The following SRPK2 variants were observed in gnomAD, a reference collection of about 807,000 sequenced individuals.
SRPK2 encodes SFRS protein kinase 2.
A neutral mutation model predicts 90.8 loss-of-function variants in SRPK2; 21 were observed. The ratio of observed to expected loss-of-function variants is 0.23; its 90% confidence interval spans 0.16 to 0.33. SRPK2 has a LOEUF of 0.33. SRPK2 is among the 10% of genes least tolerant of loss of function. The pLI is 1.00. For missense variants in SRPK2, 620 were observed against 869.0 expected, an observed-to-expected ratio of 0.71 and a Z score of 3.60; for synonymous variants, 288 against 311.1, an observed-to-expected ratio of 0.93 and a Z score of 0.78.
chr7:105,181,494 A>C (rs1792801479), intron 3 of SRPK2, among the ~76,000 whole-genome samples: 1 of 152,232 alleles, frequency 6.6e-6, no homozygotes, highest in Admixed American at 6.5e-5. Flanking sequence ...CTGGATAAAG[A>C]AACCGTGGTA....
At chr7:105,235,595 A>C (rs1301036030) in intron 2 of SRPK2, among the ~76,000 whole-genome samples, 3 of 152,238 alleles carry the variant, frequency 2.0e-5, no homozygotes, top group Non-Finnish European at 4.4e-5. Flanking sequence ...GGTTTTATAC[A>C]CAAACAAATA....
At chr7:105,191,192 T>C (rs1794231666) in intron 3 of SRPK2, among the ~76,000 whole-genome samples, 1 of 152,146 alleles carries the variant, frequency 6.6e-6, no homozygotes, top group Non-Finnish European at 1.5e-5. Context: ...GGCTCAGAGC[T>C]TTTTCATAGC....
chr7:105,141,995 AAG>A lies in SRPK2; in HGVS notation c.1543+11_1543+12del, dbSNP rs753390298. The A allele has an allele frequency of 4.4e-6, 7 of 1,595,770 alleles. No individual in the cohort carries two copies. The highest frequency in any genetic ancestry group is 5.1e-6 in the Non-Finnish European group (6 of 1,170,606). On this transcript the variant is annotated intron_variant, in intron 11 of 15. Transcript: ENST00000393651. ...TCAGCGATGGCAGACAGTTGATGGG[AAG>A]AAACACTTACCTTTTGGCAAATCCC... is the stretch of plus-strand genomic sequence containing the variant.
chr7:105,273,829 C>G (rs1365705550), intron 2 of SRPK2, among the ~76,000 whole-genome samples: 5 of 152,190 alleles, frequency 3.3e-5, no homozygotes, highest in Non-Finnish European at 7.3e-5. Context: ...GTCTTCTCAG[C>G]CTGTTACAGT....
intron 2 of SRPK2, among the ~76,000 whole-genome samples, chr7:105,255,994 A>G (rs1803241587): frequency 6.6e-6 from 1 of 151,944 alleles, no homozygotes; most frequent in African/African-American, 2.4e-5. Flanking sequence ...TTCCTATTAC[A>G]TACAGTTAAT....
At chr7:105,365,735 G>T (rs999384346) in intron 2 of SRPK2, among the ~76,000 whole-genome samples, 2 of 151,706 alleles carry the variant, frequency 1.3e-5, no homozygotes, top group East Asian at 1.9e-4. Flanking sequence ...GTAGGTCAGG[G>T]CTGGAGTGAG....
At chr7:105,385,228 T>A (rs1821419136) in intron 2 of SRPK2, among the ~76,000 whole-genome samples, 1 of 131,192 alleles carries the variant, frequency 7.6e-6, no homozygotes. Context: ...TCGCCCAAGC[T>A]GGAGTGCAGT....
chr7:105,310,644 A>AAAAT lies in SRPK2; in HGVS notation c.71+78000_71+78003dup, dbSNP rs72019024. ...GGTTAACATAGTGAGACCTTGTCTC[A>AAAAT]AAATAAATAAATAAATAAATAAATA... On this transcript the variant is annotated intron_variant, in intron 2 of 15. Coordinates refer to ENST00000393651, the MANE Select transcript of SRPK2 (RefSeq NM_182692.3). Among the ~76,000 whole-genome samples the AAAAT allele has an allele frequency of 7.2e-3, 1,075 of 150,340 alleles. 14 individuals carry two copies. Among genetic ancestry groups the AAAAT allele is most frequent in the African/African-American group, 0.024 (993 of 40,826 alleles).
chr7:105,185,608 CTTAA>C (rs1253229831), intron 3 of SRPK2, among the ~76,000 whole-genome samples: 1 of 151,988 alleles, frequency 6.6e-6, no homozygotes, highest in Non-Finnish European at 1.5e-5. Flanking sequence ...TAATGAAATT[CTTAA>C]TTATTCTAAA....
At chr7:105,225,553 C>G (rs1798608439) in intron 2 of SRPK2, among the ~76,000 whole-genome samples, 1 of 152,194 alleles carries the variant, frequency 6.6e-6, no homozygotes, top group East Asian at 1.9e-4. Flanking sequence ...TGACACATAT[C>G]CTATATTTTT....
At chr7:105,219,353 C>T (rs749377565) in intron 2 of SRPK2, among the ~76,000 whole-genome samples, 8 of 152,194 alleles carry the variant, frequency 5.3e-5, no homozygotes, top group South Asian at 2.1e-4. Context: ...CTCATGTCTA[C>T]GCCCTGGACA....
chr7:105,300,801 C>T lies in SRPK2; in HGVS notation c.71+87847G>A, dbSNP rs180782382. Among the ~76,000 whole-genome samples the T allele has an allele frequency of 2.0e-3, 300 of 152,266 alleles. 3 individuals carry two copies. The highest frequency in any genetic ancestry group is 7.0e-3 in the African/African-American group (289 of 41,538). On this transcript the variant is annotated intron_variant, in intron 2 of 15. Coordinates refer to ENST00000393651, the MANE Select transcript of SRPK2 (RefSeq NM_182692.3). ...CACTAGTCATCAAAAAAATGCAAAT[C>T]AAAACCACAACGAGATACCATCTCA...
chr7:105,334,029 T>C (rs1466362812), intron 2 of SRPK2, among the ~76,000 whole-genome samples: 1 of 152,148 alleles, frequency 6.6e-6, no homozygotes, highest in African/African-American at 2.4e-5. Flanking sequence ...TTCAAGTCAT[T>C]CTCCTGCCTC....
intron 7 of SRPK2, among the ~76,000 whole-genome samples, chr7:105,152,952 T>A (rs926511965): frequency 1.3e-5 from 2 of 152,128 alleles, no homozygotes; most frequent in African/African-American, 4.8e-5. Flanking sequence ...AAGAATTGCT[T>A]GAACTCAGGA....
At chr7:105,323,504 A>G (rs1046764031) in intron 2 of SRPK2, among the ~76,000 whole-genome samples, 3 of 152,206 alleles carry the variant, frequency 2.0e-5, no homozygotes, top group Admixed American at 2.0e-4. Flanking sequence ...TGTTTGAGAC[A>G]CTGTAGGCAG....
At chr7:105,164,578 A>ATTGT (rs1238751484) in intron 6 of SRPK2, among the ~76,000 whole-genome samples, 2 of 152,236 alleles carry the variant, frequency 1.3e-5, no homozygotes, top group African/African-American at 4.8e-5. Flanking sequence ...GGCTGATATG[A>ATTGT]TTGTTTACAA....
chr7:105,349,861 C>T (rs1426904773), intron 2 of SRPK2, among the ~76,000 whole-genome samples: 1 of 152,076 alleles, frequency 6.6e-6, no homozygotes, highest in Non-Finnish European at 1.5e-5. Flanking sequence ...GCCTCAGCCT[C>T]CTGCATAGCT....
At chr7:105,138,467 T>A (rs1195966234) in intron 11 of SRPK2, among the ~76,000 whole-genome samples, 2 of 152,084 alleles carry the variant, frequency 1.3e-5, no homozygotes, top group Admixed American at 1.3e-4. Flanking sequence ...AAAGAAAATT[T>A]TAGAATTATT....
At chr7:105,362,479 T>A (rs988532230) in intron 2 of SRPK2, among the ~76,000 whole-genome samples, 6 of 143,890 alleles carry the variant, frequency 4.2e-5, no homozygotes, top group African/African-American at 1.6e-4. Context: ...ATCACGCCAC[T>A]GCACTCCAGC....
Sources: allele counts gnomAD v4.1 joint callset (sites outside exome capture counted in the v4.1 genomes callset), GRCh38; gene constraint gnomAD v4.1.1; transcripts MANE v1.5; gene names NCBI Gene and HGNC (gene_info 2026-07-23, HGNC 2026-07-21).